The following LGMN variants were observed in gnomAD, a reference collection of about 807,000 sequenced individuals.
The protein encoded by LGMN is legumain.
Under a neutral mutation model 56.8 loss-of-function variants are expected in LGMN, and 36 were observed. The observed-to-expected ratio is 0.63, with a 90% CI of 0.49 to 0.84. The LOEUF is 0.84. Among genes scored for constraint, LGMN ranks in the 40% least tolerant of loss-of-function variants. The pLI is 0.00. For missense variants in LGMN, 446 were observed against 556.1 expected, an observed-to-expected ratio of 0.80 and a Z score of 1.99; for synonymous variants, 199 against 210.1, an observed-to-expected ratio of 0.95 and a Z score of 0.46.
intron 1 of LGMN, chr14:92,741,523 A>T (rs955815915): frequency 6.6e-6 from 1 of 152,160 alleles, no homozygotes; most frequent in Non-Finnish European, 1.5e-5. Flanking sequence ...AAAGGTTTTG[A>T]TCCTACTCTC....
At chr14:92,728,575 G>A (rs531393946) in intron 2 of LGMN, among the ~76,000 whole-genome samples, 4 of 152,234 alleles carry the variant, frequency 2.6e-5, no homozygotes, top group South Asian at 2.1e-4. Flanking sequence ...CTTGTTATAC[G>A]GCGCATGACT....
Position 92,704,957 on chromosome 14 carries a change from G to T in LGMN, c.1192-250C>A, listed in dbSNP as rs1889353950. 5 of 433,102 alleles carry T rather than the reference G, an allele frequency of 1.2e-5. No homozygotes were observed. In the East Asian group the frequency reaches 1.9e-4, roughly 17 times the overall value. The allele number at this position is 433,102 out of a possible 1,614,324, so 26.8% of individuals were successfully genotyped here. On this transcript the variant is annotated intron_variant, in intron 12 of 13. Coordinates refer to ENST00000334869, the MANE Select transcript of LGMN (RefSeq NM_005606.7). The stretch of plus-strand genomic sequence containing the variant: ...TTCTGCACTCTCAAATCTGAGGGCA[G>T]GACTCCTGACAGGGAACTCCCGATG...
At chr14:92,734,277 C>T (rs1247102166) in intron 1 of LGMN, among the ~76,000 whole-genome samples, 8 of 152,212 alleles carry the variant, frequency 5.3e-5, no homozygotes, top group South Asian at 4.1e-4. Flanking sequence ...GCCTTCTGAA[C>T]GGCTGGTCCG....
At chr14:92,719,251 A>ACCGCCG (rs1566924128) in intron 2 of LGMN, among the ~76,000 whole-genome samples, 1 of 50,260 alleles carries the variant, frequency 2.0e-5, no homozygotes, top group Non-Finnish European at 3.3e-5. Flanking sequence ...CACCGCCACC[A>ACCGCCG]CCACCACCGC....
intron 13 of LGMN, 75 bp from the exon 14 acceptor site, chr14:92,704,436 G>C (rs1889317070): frequency 7.8e-7 from 1 of 1,285,160 alleles, no homozygotes; most frequent in South Asian, 1.3e-5. Context: ...AAACCCACAT[G>C]CGGCAGGCAG....
At chr14:92,709,944 GA>G in intron 10 of LGMN, 72 bp from the exon 11 acceptor site, 1 of 1,274,682 alleles carries the variant, frequency 7.8e-7, no homozygotes, top group African/African-American at 1.5e-5. Flanking sequence ...GAGAGAGAGG[GA>G]GAGAGAGAGC....
At chr14:92,735,286 A>G (rs1184164440) in intron 1 of LGMN, among the ~76,000 whole-genome samples, 2 of 152,038 alleles carry the variant, frequency 1.3e-5, no homozygotes, top group Non-Finnish European at 2.9e-5. Flanking sequence ...AGCTCACTGC[A>G]ACCTCCGCCT....
chr14:92,721,390 C>A lies in LGMN; in HGVS notation c.139-2546G>T, dbSNP rs566647301. ...AAAGTGGAGCCTCCACTACAGCCAC[C>A]AAGGAACACAGCCCAGGCAACACCG... is the stretch of plus-strand genomic sequence containing the variant. On this transcript the variant is annotated intron_variant, in intron 2 of 13. Coordinates refer to ENST00000334869, the MANE Select transcript of LGMN (RefSeq NM_005606.7). Among the ~76,000 whole-genome samples the A allele has an allele frequency of 5.3e-5, 8 of 152,270 alleles. No individual in the cohort carries two copies. The South Asian group carries it at 1.7e-3, about 32-fold the overall frequency.
intron 1 of LGMN, among the ~76,000 whole-genome samples, chr14:92,738,907 T>C (rs1397766143): frequency 6.6e-6 from 1 of 151,306 alleles, no homozygotes; most frequent in Non-Finnish European, 1.5e-5. Flanking sequence ...TAGTCCCAGC[T>C]ACTCTGGAGG....
chr14:92,713,287 C>T (rs1310524755), intron 7 of LGMN, among the ~76,000 whole-genome samples: 1 of 151,732 alleles, frequency 6.6e-6, no homozygotes, highest in Non-Finnish European at 1.5e-5. Context: ...ACTATGTTGC[C>T]CAGGCTGGTC....
chr14:92,732,420 G>C, intron 2 of LGMN: 1 of 489,260 alleles, frequency 2.0e-6, no homozygotes, highest in Non-Finnish European at 3.7e-6. Context: ...CAAAACTTCT[G>C]AGGAATGACC....
At chr14:92,744,536 C>G (rs1202892746) in intron 1 of LGMN, among the ~76,000 whole-genome samples, 3 of 151,530 alleles carry the variant, frequency 2.0e-5, no homozygotes, top group Non-Finnish European at 4.4e-5. Flanking sequence ...AACACATGTT[C>G]AGTTTTACAT....
intron 2 of LGMN, among the ~76,000 whole-genome samples, chr14:92,729,372 C>A (rs1344335665): frequency 1.3e-5 from 2 of 149,236 alleles, no homozygotes; most frequent in Non-Finnish European, 3.0e-5. Context: ...ACCCCAGACT[C>A]TACTCTGATT....
At chr14:92,710,736 C>T (rs1240302405) in intron 10 of LGMN, among the ~76,000 whole-genome samples, 1 of 152,208 alleles carries the variant, frequency 6.6e-6, no homozygotes, top group Non-Finnish European at 1.5e-5. Context: ...AAGCCCAAGG[C>T]GGGGCCCCCA....
intron 5 of LGMN, 37 bp downstream of exon 5, chr14:92,716,099 C>T (rs1411359852): frequency 7.2e-7 from 1 of 1,394,122 alleles, no homozygotes; most frequent in African/African-American, 1.4e-5. Context: ...GGTCCCAAGC[C>T]ATTGAGAGAA....
At chr14:92,735,762 T>C in intron 1 of LGMN, among the ~76,000 whole-genome samples, 1 of 152,182 alleles carries the variant, frequency 6.6e-6, no homozygotes. Flanking sequence ...GACGGGCAAC[T>C]GGTAACTACA....
chr14:92,719,665 T>C (rs1890358416), intron 2 of LGMN, among the ~76,000 whole-genome samples: 1 of 152,146 alleles, frequency 6.6e-6, no homozygotes, highest in Non-Finnish European at 1.5e-5. Context: ...AATTGAGAAA[T>C]TGCTCTTAAG....
At chr14:92,728,131 C>T (rs1257622498) in intron 2 of LGMN, among the ~76,000 whole-genome samples, 1 of 152,136 alleles carries the variant, frequency 6.6e-6, no homozygotes, top group Non-Finnish European at 1.5e-5. Context: ...ATGGTCTAGC[C>T]CAGCGGTCCA....
At chr14:92,721,818 T>C (rs983890625) in intron 2 of LGMN, among the ~76,000 whole-genome samples, 3 of 152,184 alleles carry the variant, frequency 2.0e-5, no homozygotes, top group Non-Finnish European at 2.9e-5. Context: ...TACAACCCAC[T>C]ACTCAGGTGA....
Sources: gnomAD v4.1 joint callset for allele counts (sites outside exome capture counted in the v4.1 genomes callset) on GRCh38, gnomAD v4.1.1 for gene constraint, MANE v1.5 for transcripts, NCBI Gene and HGNC (gene_info 2026-07-23, HGNC 2026-07-21) for gene names.